Variants in COBL observed in about 807,000 individuals in gnomAD.
COBL encodes the protein protein cordon-bleu.
A neutral mutation model predicts 98.8 loss-of-function variants in COBL; 51 were observed. That is an observed-to-expected ratio of 0.52 (90% CI 0.41 to 0.65). The LOEUF is 0.65. Among genes scored for constraint, COBL ranks in the 30% least tolerant of loss-of-function variants. The pLI is 0.00. For synonymous variants in COBL, 634 were observed against 651.7 expected (o/e 0.97, Z 0.41); for missense variants, 1,617 against 1,617.5 (o/e 1.00, Z 0.01).
At chr7:51,155,589 C>CAAAAAAAAAAAA (rs58500324) in intron 5 of COBL, among the ~76,000 whole-genome samples, 1 of 30,788 alleles carries the variant, frequency 3.2e-5, no homozygotes, top group African/African-American at 1.3e-4. Context: ...GACTCCATCT[C>CAAAAAAAAAAAA]AAAAAAAAAA....
At chr7:51,090,213 A>T (rs1794678113) in intron 6 of COBL, among the ~76,000 whole-genome samples, 1 of 152,194 alleles carries the variant, frequency 6.6e-6, no homozygotes, top group East Asian at 1.9e-4. Flanking sequence ...CAGAAAAGGA[A>T]GCCCCGCACC....
chr7:51,269,159 C>A (rs189016467), intron 1 of COBL, among the ~76,000 whole-genome samples: 2 of 152,012 alleles, frequency 1.3e-5, no homozygotes, highest in Non-Finnish European at 2.9e-5. Context: ...CAAATTGCAG[C>A]CCCCCACCAA....
At chr7:51,248,844 A>C (rs563309036) in intron 1 of COBL, among the ~76,000 whole-genome samples, 3 of 152,320 alleles carry the variant, frequency 2.0e-5, no homozygotes, top group Admixed American at 6.5e-5. Flanking sequence ...TTTTAAGGAG[A>C]AAATTATTCA....
At chr7:51,052,498 T>G (rs956359109) in intron 7 of COBL, among the ~76,000 whole-genome samples, 9 of 152,332 alleles carry the variant, frequency 5.9e-5, no homozygotes, top group African/African-American at 2.2e-4. Flanking sequence ...TACACATTTC[T>G]GGGGCCTCAC....
intron 2 of COBL, among the ~76,000 whole-genome samples, chr7:51,217,689 A>AGT (rs1793211222): frequency 6.6e-6 from 1 of 152,240 alleles, no homozygotes; most frequent in East Asian, 1.9e-4. Context: ...AATTGGGCTA[A>AGT]AATATAAGAA....
intron 5 of COBL, among the ~76,000 whole-genome samples, chr7:51,177,320 GATA>G (rs1788469049): frequency 6.6e-6 from 1 of 152,112 alleles, no homozygotes; most frequent in Non-Finnish European, 1.5e-5. Context: ...TCTGTATCAA[GATA>G]CATAATTAAA....
intron 1 of COBL, among the ~76,000 whole-genome samples, chr7:51,297,847 T>C (rs1475347657): frequency 6.6e-6 from 1 of 152,192 alleles, no homozygotes. Flanking sequence ...CGATGTATGT[T>C]TTTAATGCGT....
intron 12 of COBL, among the ~76,000 whole-genome samples, chr7:51,018,954 GA>G (rs1370271621): frequency 8.6e-5 from 7 of 80,944 alleles, no homozygotes; most frequent in Non-Finnish European, 1.3e-4. Flanking sequence ...ATATATATAT[GA>G]TTTTTTTTGC....
rs533073897 is a variant in COBL at position 51,133,904 on chromosome 7, G to A, written c.957+2254C>T. ...GGAGGATGGCTAATATTATCCCACC[G>A]TTAGGACTTGAAGAAGCAAATATTG... is the stretch of plus-strand genomic sequence containing the variant. On this transcript the variant is annotated intron_variant, in intron 6 of 12. Transcript: ENST00000265136. 1.3e-4 allele frequency among the ~76,000 whole-genome samples: 20 copies of A among 152,252 alleles called. 1 individual carries two copies. The South Asian group carries it at 2.9e-3, about 22-fold the overall frequency.
chr7:51,097,898 C>A (rs1282900058), intron 6 of COBL, among the ~76,000 whole-genome samples: 1 of 151,788 alleles, frequency 6.6e-6, no homozygotes, highest in Non-Finnish European at 1.5e-5. Context: ...GTGGCGGGCA[C>A]CTGTAGTCCC....
rs574563952 is a variant in COBL, at chr7:51,097,788, C to A, written c.958-12484G>T. Among the ~76,000 whole-genome samples the A allele has an allele frequency of 4.7e-4, 71 of 152,192 alleles. 1 individual carries two copies. The South Asian group carries it at 0.015, about 31-fold the overall frequency. ...CCTGTAATCCCAGCACTTTGGGAGG[C>A]CGAGGCGGGTGGATCACAAGGTCAG... On this transcript the variant is annotated intron_variant, in intron 6 of 12. Transcript: ENST00000265136.
chr7:51,173,035 C>T (rs1010376502), intron 5 of COBL, among the ~76,000 whole-genome samples: 29 of 152,026 alleles, frequency 1.9e-4, no homozygotes, highest in African/African-American at 6.0e-4. Flanking sequence ...GTGATCTGCC[C>T]ACCTTGGCCT....
At position 51,219,918 on chromosome 7, in the gene COBL, G is replaced by T. The variant is rs772413291; in HGVS notation, c.68C>A (p.Pro23Gln). Residue 23 changes from proline (P) to glutamine (Q), a missense_variant, in exon 2 of 13, where the codon CCA (proline) becomes CAA (glutamine). This residue lies in a region of COBL where 238 missense variants were observed against 215.0 expected (regional missense o/e 1.11). Coordinates refer to ENST00000265136, the MANE Select transcript of COBL (RefSeq NM_015198.5). ...TGRKMKARAP[P>Q]PPGKAATLHV... ...CAGAGTGGCAGCCTTTCCAGGAGGTGGGGGAGCACGAGCCTTCATCTTCCT... is the reference window on the plus strand; with the variant it reads ...CAGAGTGGCAGCCTTTCCAGGAGGTTGGGGAGCACGAGCCTTCATCTTCCT... 1 of 1,611,340 alleles carries T rather than the reference G, an allele frequency of 6.2e-7. No individual in the cohort carries two copies. The highest frequency in any genetic ancestry group is 8.5e-7 in the Non-Finnish European group (1 of 1,179,798).
intron 5 of COBL, among the ~76,000 whole-genome samples, chr7:51,166,116 G>A (rs766109946): frequency 1.3e-5 from 2 of 151,750 alleles, no homozygotes; most frequent in Non-Finnish European, 1.5e-5. Context: ...AATAATCAGA[G>A]CAGAAATAAA....
At chr7:51,038,272 A>G (rs1476361716) in intron 8 of COBL, among the ~76,000 whole-genome samples, 3 of 152,220 alleles carry the variant, frequency 2.0e-5, no homozygotes, top group Non-Finnish European at 2.9e-5. Flanking sequence ...GCTGCCATGT[A>G]TGAAGCAGGT....
At chr7:51,212,758 C>A (rs978259274) in intron 2 of COBL, among the ~76,000 whole-genome samples, 1 of 152,192 alleles carries the variant, frequency 6.6e-6, no homozygotes, top group African/African-American at 2.4e-5. Context: ...AACTTTAACA[C>A]GCAATCTGAA....
At chr7:51,126,843 A>ACCCCCTC (rs1798256841) in intron 6 of COBL, among the ~76,000 whole-genome samples, 1 of 152,122 alleles carries the variant, frequency 6.6e-6, no homozygotes, top group African/African-American at 2.4e-5. Flanking sequence ...TCGCTGGTTA[A>ACCCCCTC]TTCAAGGTGC....
chr7:51,305,216 A>G (rs2129208652), intron 1 of COBL, among the ~76,000 whole-genome samples: 1 of 152,352 alleles, frequency 6.6e-6, no homozygotes, highest in Admixed American at 6.5e-5. Flanking sequence ...AAAAAATGTT[A>G]CACAAATGAA....
intron 6 of COBL, among the ~76,000 whole-genome samples, chr7:51,126,592 T>C (rs1242126628): frequency 6.6e-6 from 1 of 152,110 alleles, no homozygotes; most frequent in Non-Finnish European, 1.5e-5. Flanking sequence ...CTGAGGTACA[T>C]GGAGGAGCCT....
Sources: gnomAD v4.1 joint callset for allele counts (sites outside exome capture counted in the v4.1 genomes callset) on GRCh38, gnomAD v4.1.1 for gene constraint, gnomAD v4.1.1 regional missense constraint, MANE v1.5 for transcripts, NCBI Gene and HGNC (gene_info 2026-07-23, HGNC 2026-07-21) for gene names.